TAF1: variants seen among roughly 807,000 people sequenced by gnomAD.
The protein encoded by TAF1 is TATA-box binding protein associated factor 1.
A neutral mutation model predicts 138.5 loss-of-function variants in TAF1; 2 were observed. The observed-to-expected ratio is 0.01, with a 90% CI of 0.01 to 0.05. The LOEUF (loss-of-function observed/expected upper bound fraction) is 0.05. TAF1 is among the 10% of genes least tolerant of loss of function. The probability of loss-of-function intolerance (pLI) is 1.00; values close to 1 mark genes in which losing one functional copy is unlikely to be tolerated. For missense variants in TAF1, 709 were observed against 1,478.0 expected (o/e 0.48, Z 8.53); for synonymous variants, 437 against 503.2 (o/e 0.87, Z 1.76).
intron 34 of TAF1, among the ~76,000 whole-genome samples, chrX:71,455,972 A>G (rs1220915005): frequency 4.5e-5 from 5 of 111,582 alleles, no homozygotes; most frequent in Non-Finnish European, 9.4e-5. Flanking sequence ...GTATAAAAGA[A>G]CCCTCAGATA....
At chrX:71,512,025 A>G (rs1046970390) in intron 13 of TAF1, among the ~76,000 whole-genome samples, 3 of 107,550 alleles carry the variant, frequency 2.8e-5, no homozygotes, top group Non-Finnish European at 5.8e-5. Context: ...AAAAAAAAAA[A>G]AAAAGGGGGC....
At chrX:71,409,115 C>T (rs1425586639) in intron 28 of TAF1, among the ~76,000 whole-genome samples, 2 of 110,764 alleles carry the variant, frequency 1.8e-5, no homozygotes, top group African/African-American at 3.3e-5. Context: ...TCGATTTGGT[C>T]TACAAATTTG....
chrX:71,490,055 C>G (rs1226097265), intron 13 of TAF1, among the ~76,000 whole-genome samples: 2 of 111,333 alleles, frequency 1.8e-5, no homozygotes, highest in Admixed American at 9.6e-5. Context: ...TCCTCCACCC[C>G]CTCCACTTTC....
Position 71,388,233 on chromosome X carries a change from G to A in TAF1, c.2428-4G>A. ...AAATAAAATACACTTGGTTTGTTGG[G>A]CAGGTTTTTATTTACCGCCTTTTCT... On this transcript the variant is annotated splice_region_variant and splice_polypyrimidine_tract_variant and intron_variant, in intron 15 of 37. Transcript: ENST00000423759. 1 of 1,210,242 alleles carries A rather than the reference G, an allele frequency of 8.3e-7. No homozygotes were observed. The highest frequency in any genetic ancestry group is 1.1e-6 in the Non-Finnish European group (1 of 895,087).
At chrX:71,485,947 C>A (rs372835896) in intron 13 of TAF1, among the ~76,000 whole-genome samples, 2 of 109,988 alleles carry the variant, frequency 1.8e-5, no homozygotes, top group Non-Finnish European at 3.8e-5. Flanking sequence ...TTTCCCCCTA[C>A]GTTTTTTCTT....
intron 32 of TAF1, among the ~76,000 whole-genome samples, chrX:71,424,636 T>A (rs1379539800): frequency 2.7e-5 from 3 of 111,267 alleles, no homozygotes; most frequent in Non-Finnish European, 5.7e-5. Context: ...TATTTATTTA[T>A]TTTGAGATGG....
chrX:71,446,873 T>G (rs1176133115), intron 32 of TAF1, among the ~76,000 whole-genome samples: 1 of 111,865 alleles, frequency 8.9e-6, no homozygotes, highest in Non-Finnish European at 1.9e-5. Context: ...CTCTTAATCT[T>G]GGAAACTAAA....
chrX:71,469,604 G>A (rs1347925489), downstream of TAF1, among the ~76,000 whole-genome samples: 1 of 109,097 alleles, frequency 9.2e-6, no homozygotes, highest in African/African-American at 3.3e-5. Flanking sequence ...GCTCGGGTGG[G>A]AGGATCATTT....
intron 9 of TAF1, among the ~76,000 whole-genome samples, chrX:71,382,209 T>C (rs2033933077): frequency 8.9e-6 from 1 of 111,749 alleles, no homozygotes; most frequent in Non-Finnish European, 1.9e-5. Context: ...GAGAGCAAAA[T>C]TGTGGCAGTT....
intron 32 of TAF1, among the ~76,000 whole-genome samples, chrX:71,452,250 C>T (rs1369314432): frequency 3.6e-5 from 4 of 110,122 alleles, no homozygotes; most frequent in African/African-American, 1.3e-4. Flanking sequence ...CGGAGGGGCT[C>T]CTCACTTCTC....
rs1299986672 is a variant in TAF1, at chrX:71,375,157, G to A, written c.353-10G>A. On this transcript the variant is annotated splice_polypyrimidine_tract_variant and intron_variant, in intron 3 of 37. Transcript: ENST00000423759. ...GGATATTGAGGAGATCACCTTCTTG[G>A]TTTTATTAGATTATGATGAAGATGA... is the stretch of plus-strand genomic sequence containing the variant. 6 of 1,208,305 alleles carry A rather than the reference G, an allele frequency of 5.0e-6. No homozygotes were observed. In the South Asian group the frequency reaches 1.1e-4, roughly 21 times the overall value.
At chrX:71,395,272 G>A (rs758724011) in intron 22 of TAF1, among the ~76,000 whole-genome samples, 3 of 111,646 alleles carry the variant, frequency 2.7e-5, no homozygotes, top group South Asian at 3.7e-4. Flanking sequence ...ACTTTGGGAG[G>A]TCGAAGTGAG....
At chrX:71,474,248 A>G (rs1330888449) in intron 13 of TAF1, among the ~76,000 whole-genome samples, 1 of 112,180 alleles carries the variant, frequency 8.9e-6, no homozygotes, top group Non-Finnish European at 1.9e-5. Flanking sequence ...TTGACAATGC[A>G]GAATTTTACG....
chrX:71,441,506 T>C (rs981564795), intron 32 of TAF1, among the ~76,000 whole-genome samples: 4 of 111,497 alleles, frequency 3.6e-5, no homozygotes, highest in Admixed American at 9.6e-5. Flanking sequence ...TTTATAGTTA[T>C]CAGATCAGGG....
chrX:71,450,790 A>T (rs893420905), intron 32 of TAF1, among the ~76,000 whole-genome samples: 1 of 112,635 alleles, frequency 8.9e-6, no homozygotes, highest in South Asian at 3.6e-4. Context: ...CTTATGAATA[A>T]ATAAGTGAAT....
At chrX:71,393,223 T>TG (rs2034661934) in intron 20 of TAF1, 78 bp from the exon 21 acceptor site, 9 of 1,095,302 alleles carry the variant, frequency 8.2e-6, no homozygotes, top group South Asian at 6.8e-5. Context: ...CCCTGAATGA[T>TG]TTGTGTGTGT....
intron 16 of TAF1, 178 bp downstream of exon 16, chrX:71,388,556 G>A: frequency 1.1e-6 from 1 of 902,844 alleles, no homozygotes; most frequent in Non-Finnish European, 1.5e-6. Flanking sequence ...GAAGTTTAAT[G>A]TGATTGTTGG....
chrX:71,520,103 C>T (rs1454285974), intron 13 of TAF1, among the ~76,000 whole-genome samples: 1 of 106,734 alleles, frequency 9.4e-6, no homozygotes, highest in Non-Finnish European at 1.9e-5. Context: ...TGTGAGCCAC[C>T]GCCCCTGGCC....
At position 71,451,555 on chromosome X, in the gene TAF1, A is replaced by G. The variant is rs977652895; in HGVS notation, c.4754-2615A>G. On this transcript the variant is annotated intron_variant, in intron 32 of 37. Coordinates refer to ENST00000423759, the MANE Select transcript of TAF1 (RefSeq NM_004606.5). ...GGGGATTTGGCAGGGTCATAGGACA[A>G]TGGTGGAGGGAAGGTCAGCAGAGAA... Among the ~76,000 whole-genome samples the G allele has an allele frequency of 1.3e-4, 14 of 107,106 alleles. No individual in the cohort carries two copies. The East Asian group carries it at 4.1e-3, about 31-fold the overall frequency. 93.0% of individuals were successfully genotyped at this position (107,106 alleles called of 115,157 possible).
Sources: allele counts gnomAD v4.1 joint callset (sites outside exome capture counted in the v4.1 genomes callset), GRCh38; gene constraint gnomAD v4.1.1; transcripts MANE v1.5; gene names NCBI Gene and HGNC (gene_info 2026-07-23, HGNC 2026-07-21).